NEK5: variants seen among roughly 807,000 people sequenced by gnomAD.
The protein encoded by NEK5 is serine/threonine-protein kinase Nek5.
NEK5 carries 88 observed loss-of-function variants against 109.2 expected under a neutral mutation model. That is an observed-to-expected ratio of 0.81 (90% CI 0.68 to 0.96). The LOEUF (loss-of-function observed/expected upper bound fraction) is 0.96, where lower values mean the gene tolerates loss of function less well. Ranked by LOEUF, NEK5 falls within the 40% of genes least tolerant of loss-of-function variation. The pLI, the probability that NEK5 is intolerant of heterozygous loss-of-function variation, is 0.00. For missense variants in NEK5, 834 were observed against 920.7 expected (o/e 0.91, Z 1.22); for synonymous variants, 283 against 299.9 (o/e 0.94, Z 0.58).
chr13:52,094,467 A>G lies in NEK5; in HGVS notation c.1027-1232T>C, dbSNP rs56114672. On this transcript the variant is annotated intron_variant, in intron 12 of 23. Transcript: ENST00000684899. ...TTTTACTGCTATATGGTTCACATAT[A>G]TGTTAGATTGGACCATATGAAATTG... Among the ~76,000 whole-genome samples the G allele has an allele frequency of 7.6e-3, 1,162 of 152,352 alleles. 14 individuals are homozygous for G. Among genetic ancestry groups the G allele is most frequent in the Middle Eastern group, 0.02 (6 of 294 alleles).
At chr13:52,062,834 G>A (rs547676331) in intron 21 of NEK5, among the ~76,000 whole-genome samples, 2 of 152,080 alleles carry the variant, frequency 1.3e-5, no homozygotes, top group East Asian at 3.9e-4. Flanking sequence ...TAGCACATTG[G>A]CTTCAAAGCA....
intron 17 of NEK5, among the ~76,000 whole-genome samples, chr13:52,077,164 T>G (rs528897309): frequency 6.6e-6 from 1 of 152,310 alleles, no homozygotes; most frequent in East Asian, 1.9e-4. Context: ...AGCAGGTATG[T>G]AAACTCTCAC....
intron 3 of NEK5, among the ~76,000 whole-genome samples, chr13:52,120,428 A>G (rs1354412898): frequency 6.6e-6 from 1 of 152,106 alleles, no homozygotes. Context: ...ATAAGATACA[A>G]TATTTGTACC....
chr13:52,095,284 T>G (rs913143314), intron 12 of NEK5, among the ~76,000 whole-genome samples: 8 of 152,208 alleles, frequency 5.3e-5, no homozygotes, highest in Non-Finnish European at 1.0e-4. Flanking sequence ...TTTTACAATT[T>G]CACCTATATA....
Position 52,116,179 on chromosome 13 carries a change from A to AAG in NEK5, c.214+3139_214+3140insCT, listed in dbSNP as rs1491207192. Among the ~76,000 whole-genome samples, 7 of 2,028 alleles carry AAG rather than the reference A, an allele frequency of 3.5e-3. No individual in the cohort carries two copies. In the East Asian group the frequency reaches 0.14, roughly 41 times the overall value. 1.3% of individuals were successfully genotyped at this position (2,028 alleles called of 152,430 possible). On this transcript the variant is annotated intron_variant, in intron 4 of 23. Transcript: ENST00000684899. ...CTGGGCAACAGAGTAAGACTGTCTCAAAAAAAAAAAAAAAAAAATCAAGAT... is the reference window on the plus strand; with the variant it reads ...CTGGGCAACAGAGTAAGACTGTCTCAAGAAAAAAAAAAAAAAAAAATCAAGAT...
At chr13:52,100,096 A>G (rs1451238319) in intron 11 of NEK5, among the ~76,000 whole-genome samples, 1 of 152,206 alleles carries the variant, frequency 6.6e-6, no homozygotes, top group Non-Finnish European at 1.5e-5. Flanking sequence ...GCATATTTCT[A>G]GTAATATATA....
chr13:52,056,473 C>T (rs1315967668), intron 22 of NEK5, among the ~76,000 whole-genome samples: 5 of 149,698 alleles, frequency 3.3e-5, no homozygotes, highest in African/African-American at 1.2e-4. Context: ...GAACTCTCCA[C>T]CCCAAATCAA....
intron 12 of NEK5, among the ~76,000 whole-genome samples, chr13:52,093,862 G>T (rs1211817904): frequency 6.6e-6 from 1 of 152,082 alleles, no homozygotes; most frequent in East Asian, 1.9e-4. Flanking sequence ...CAGAATTATT[G>T]TTTTCTATTT....
chr13:52,059,875 A>G (rs903796863), intron 22 of NEK5, among the ~76,000 whole-genome samples: 1 of 152,126 alleles, frequency 6.6e-6, no homozygotes, highest in African/African-American at 2.4e-5. Flanking sequence ...TAGTGGGTGC[A>G]GCACACCAGC....
chr13:52,063,219 C>T (rs61958812), intron 21 of NEK5, among the ~76,000 whole-genome samples: 63,100 of 152,078 alleles, frequency 0.41, 15,031 homozygotes, highest in Non-Finnish European at 0.54. Flanking sequence ...ATTACAGACA[C>T]GCGTCGCCAC....
At chr13:52,088,263 T>C (rs1955197138) in intron 14 of NEK5, among the ~76,000 whole-genome samples, 1 of 151,320 alleles carries the variant, frequency 6.6e-6, no homozygotes, top group African/African-American at 2.4e-5. Context: ...TTGTTTTTTT[T>C]GTTTTTTTTG....
Position 52,087,378 on chromosome 13 carries a change from A to G in NEK5, c.1352T>C (p.Phe451Ser). ...ELRSNGEEPRFQELPFRKNEM... is the reference protein window; with the variant it reads ...ELRSNGEEPRSQELPFRKNEM... ...GTTTTTCCTAAATGGCAGCTCCTGGAATCTAGGCTCTTCTCCATTACTTCT... is the reference window on the plus strand; with the variant it reads ...GTTTTTCCTAAATGGCAGCTCCTGGGATCTAGGCTCTTCTCCATTACTTCT... The change falls in exon 15 of 24, where the codon TTC becomes TCC. Residue 451 changes from phenylalanine to serine, a missense_variant. Physicochemically the swap from Phe to Ser is radical, Grantham distance 155 (BLOSUM62 -2). Around this residue, in one of 2 missense-constraint regions of NEK5, gnomAD observed 777 missense variants for 824.7 expected, o/e 0.94. Transcript: ENST00000684899. 3 of 1,611,272 alleles carry G rather than the reference A, an allele frequency of 1.9e-6. No individual in the cohort carries two copies. The highest frequency in any genetic ancestry group is 2.5e-6 in the Non-Finnish European group (3 of 1,177,636).
intron 4 of NEK5, among the ~76,000 whole-genome samples, chr13:52,118,353 A>C (rs1262262604): frequency 6.6e-6 from 1 of 152,154 alleles, no homozygotes; most frequent in Non-Finnish European, 1.5e-5. Flanking sequence ...CTTAAGACAC[A>C]CCTGACATAC....
At chr13:52,128,776 T>C (rs1956118515) in intron 1 of NEK5, 2 of 152,206 alleles carry the variant, frequency 1.3e-5, no homozygotes, top group Admixed American at 1.3e-4. Flanking sequence ...CCTTCTCCCC[T>C]AGGGCCGCCC....
Position 52,037,291 on chromosome 13 carries a change from C to T in NEK5, c.2229-73G>A. 5 of 711,476 alleles carry T rather than the reference C, an allele frequency of 7.0e-6. No individual in the cohort carries two copies. The South Asian group carries it at 3.2e-4, about 45-fold the overall frequency. 44.1% of individuals were successfully genotyped at this position (711,476 alleles called of 1,614,324 possible). ...AAGAATACATGTAAAAACTCGTTTC[C>T]CTTTTCTCCATCCCCAGTTGAGCAA... On this transcript the variant is annotated intron_variant, in intron 23 of 23. Transcript: ENST00000684899.
At chr13:52,078,876 T>C (rs1351111268) in intron 17 of NEK5, among the ~76,000 whole-genome samples, 2 of 152,234 alleles carry the variant, frequency 1.3e-5, no homozygotes, top group Non-Finnish European at 2.9e-5. Context: ...GGAGCACTTA[T>C]TGTACAATTG....
chr13:52,108,384 G>A lies in NEK5; in HGVS notation c.488C>T (p.Thr163Ile), dbSNP rs1240915989. ...CAGGTAGTAAGGTGTTCCAATACAAGTTCGAGCAAGTTCCATGGAACTAGT... is the reference window on the plus strand; with the variant it reads ...CAGGTAGTAAGGTGTTCCAATACAAATTCGAGCAAGTTCCATGGAACTAGT... Reference protein sequence around the residue: ...VLNNSMELARTCIGTPYYLSP... With the variant: ...VLNNSMELARICIGTPYYLSP... Residue 163 changes from threonine (T) to isoleucine (I), a missense_variant, in exon 8 of 24, where the codon ACT becomes ATT. By Grantham distance (89) the Thr-to-Ile change is moderately conservative. This residue lies in a region of NEK5 where 777 missense variants were observed against 824.7 expected (regional missense o/e 0.94). Coordinates refer to ENST00000684899, the MANE Select transcript of NEK5 (RefSeq NM_001365552.1). 3.7e-6 allele frequency: 6 copies of A among 1,603,100 alleles called. No homozygotes were observed. The South Asian group carries it at 5.5e-5, about 15-fold the overall frequency.
At chr13:52,121,159 C>CT (rs34187285) in intron 3 of NEK5, among the ~76,000 whole-genome samples, 59,929 of 136,628 alleles carry the variant, frequency 0.44, 14,577 homozygotes, top group Non-Finnish European at 0.57. Context: ...CTGAAGAAAT[C>CT]TTTTTTTTTT....
Position 52,065,460 on chromosome 13 carries a change from G to A in NEK5, c.1975+24C>T, listed in dbSNP as rs199994194. ...GGGTCCTTGGTCTTCCCTTCCTGAC[G>A]ACTGACGCTAAGCACAGACTCACTG... On this transcript the variant is annotated intron_variant, in intron 21 of 23. Transcript: ENST00000684899. The A allele has an allele frequency of 1.9e-5, 31 of 1,614,138 alleles. No individual in the cohort carries two copies. The highest frequency in any genetic ancestry group is 1.8e-4 in the Admixed American group (11 of 60,026).
Sources: gnomAD v4.1 joint callset for allele counts (sites outside exome capture counted in the v4.1 genomes callset) on GRCh38, gnomAD v4.1.1 for gene constraint, gnomAD v4.1.1 regional missense constraint, MANE v1.5 for transcripts, NCBI Gene and HGNC (gene_info 2026-07-23, HGNC 2026-07-21) for gene names.